The following SLC35F1 variants were observed in gnomAD, a reference collection of about 807,000 sequenced individuals.
SLC35F1 encodes chromosome 6 open reading frame 169.
A neutral mutation model predicts 48.7 loss-of-function variants in SLC35F1; 14 were observed. The observed-to-expected ratio is 0.29, with a 90% CI of 0.19 to 0.45. The LOEUF (loss-of-function observed/expected upper bound fraction) is 0.45, where lower values mean the gene tolerates loss of function less well. Among genes scored for constraint, SLC35F1 ranks in the 20% least tolerant of loss-of-function variants. SLC35F1 has a pLI of 1.00. For missense variants in SLC35F1, 404 were observed against 500.0 expected (o/e 0.81, Z 1.83); for synonymous variants, 190 against 202.2 (o/e 0.94, Z 0.51).
At position 118,188,738 on chromosome 6, in the gene SLC35F1, C is replaced by T. The variant is rs539787283; in HGVS notation, c.349+34118C>T. 1.1e-3 allele frequency among the ~76,000 whole-genome samples: 166 copies of T among 152,144 alleles called. 1 individual carries two copies. The highest frequency in any genetic ancestry group is 2.1e-3 in the Non-Finnish European group (144 of 68,028). ...CCTTTCATTCATTAACAGACACTTA[C>T]GTTGTTTCCATATCTTGGCTATTGT... On this transcript the variant is annotated intron_variant, in intron 2 of 7. Coordinates refer to ENST00000360388, the MANE Select transcript of SLC35F1 (RefSeq NM_001029858.4).
intron 3 of SLC35F1, among the ~76,000 whole-genome samples, chr6:118,251,600 T>A (rs1775576379): frequency 6.6e-6 from 1 of 152,144 alleles, no homozygotes; most frequent in Admixed American, 6.5e-5. Flanking sequence ...AGGAATAGCA[T>A]GATGAGATTT....
intron 1 of SLC35F1, among the ~76,000 whole-genome samples, chr6:118,062,991 A>T (rs187147958): frequency 6.6e-6 from 1 of 152,136 alleles, no homozygotes; most frequent in Admixed American, 6.5e-5. Context: ...GGGGTATGTT[A>T]TATCAGATAA....
At chr6:118,151,165 C>T (rs1158879595) in intron 1 of SLC35F1, among the ~76,000 whole-genome samples, 1 of 152,140 alleles carries the variant, frequency 6.6e-6, no homozygotes, top group African/African-American at 2.4e-5. Context: ...TAACCACTTC[C>T]GACTCCAGTG....
intron 1 of SLC35F1, among the ~76,000 whole-genome samples, chr6:118,088,628 T>G (rs974814416): frequency 6.6e-6 from 1 of 152,136 alleles, no homozygotes; most frequent in African/African-American, 2.4e-5. Flanking sequence ...ATAGGACGTC[T>G]TAAAACAGAG....
At chr6:118,194,035 CAATT>C (rs1774768603) in intron 2 of SLC35F1, among the ~76,000 whole-genome samples, 1 of 150,726 alleles carries the variant, frequency 6.6e-6, no homozygotes, top group Non-Finnish European at 1.5e-5. Context: ...ATTTTTAAGC[CAATT>C]AATTAGAGCT....
At chr6:118,049,956 G>A (rs1772361832) in intron 1 of SLC35F1, among the ~76,000 whole-genome samples, 1 of 152,080 alleles carries the variant, frequency 6.6e-6, no homozygotes, top group African/African-American at 2.4e-5. Flanking sequence ...CAAAGACTTG[G>A]AACCAACCCA....
At chr6:117,944,929 G>C (rs568278706) in intron 1 of SLC35F1, among the ~76,000 whole-genome samples, 2 of 152,244 alleles carry the variant, frequency 1.3e-5, no homozygotes, top group East Asian at 1.9e-4. Flanking sequence ...GCAGGCTTAG[G>C]GGGCAGAGGG....
At chr6:118,108,165 CAA>C (rs1773350930) in intron 1 of SLC35F1, among the ~76,000 whole-genome samples, 1 of 152,168 alleles carries the variant, frequency 6.6e-6, no homozygotes, top group Non-Finnish European at 1.5e-5. Context: ...CACACACACA[CAA>C]ACTGTGTTTC....
chr6:118,077,712 C>A (rs1157476556), intron 1 of SLC35F1, among the ~76,000 whole-genome samples: 1 of 152,138 alleles, frequency 6.6e-6, no homozygotes, highest in Non-Finnish European at 1.5e-5. Flanking sequence ...GAAGGCAGTG[C>A]AGAGCATACA....
At chr6:118,107,115 C>T (rs1773337116) in intron 1 of SLC35F1, among the ~76,000 whole-genome samples, 1 of 152,088 alleles carries the variant, frequency 6.6e-6, no homozygotes, top group Non-Finnish European at 1.5e-5. Flanking sequence ...TTGTTTGTTG[C>T]CATCTCTGGT....
chr6:117,960,177 T>C (rs1776479047), intron 1 of SLC35F1, among the ~76,000 whole-genome samples: 1 of 151,882 alleles, frequency 6.6e-6, no homozygotes, highest in South Asian at 2.1e-4. Context: ...GGTTGACAAA[T>C]ATTACAAACT....
intron 1 of SLC35F1, among the ~76,000 whole-genome samples, chr6:117,982,862 A>G (rs1429285069): frequency 6.6e-6 from 1 of 152,182 alleles, no homozygotes; most frequent in African/African-American, 2.4e-5. Context: ...TTTTCTGTAC[A>G]TAATTACTTC....
rs1776414662 is a variant in SLC35F1 at position 118,314,965 on chromosome 6, A to T, written c.*713A>T. The T allele has an allele frequency of 6.5e-6, 1 of 152,794 alleles. No individual in the cohort carries two copies. 9.5% of individuals were successfully genotyped at this position (152,794 alleles called of 1,614,324 possible). A position where few individuals can be genotyped will look rare whatever the true frequency, so the allele number is the denominator to read the frequency against. ...CATTGCCTTTCTGTTGTGCCACGTG[A>T]TTCTGCTAATCAAGTCCCTGTAATA... is the stretch of plus-strand genomic sequence containing the variant. On this transcript the variant is annotated 3_prime_UTR_variant, in exon 8 of 8. Coordinates refer to ENST00000360388, the MANE Select transcript of SLC35F1 (RefSeq NM_001029858.4).
intron 1 of SLC35F1, among the ~76,000 whole-genome samples, chr6:118,046,953 T>G (rs1772310136): frequency 4.5e-5 from 1 of 22,028 alleles, no homozygotes; most frequent in Non-Finnish European, 8.8e-5. Flanking sequence ...CTGATAGATT[T>G]TTGAGATATA....
chr6:117,980,319 T>C (rs947375423), intron 1 of SLC35F1, among the ~76,000 whole-genome samples: 3 of 152,132 alleles, frequency 2.0e-5, no homozygotes, highest in Non-Finnish European at 2.9e-5. Context: ...TGGCAGGAGG[T>C]ACAAGCACCC....
In SLC35F1 at chr6:117,923,602, T is replaced by TATGTACATATATACATATGTAC. The variant is rs1775935297; in HGVS notation, c.173+15705_173+15706insGTACATATATACATATGTACAT. Among the ~76,000 whole-genome samples, 12 of 31,506 alleles carry TATGTACATATATACATATGTAC rather than the reference T, an allele frequency of 3.8e-4. 2 individuals are homozygous for TATGTACATATATACATATGTAC. Among genetic ancestry groups the TATGTACATATATACATATGTAC allele is most frequent in the African/African-American group, 1.7e-3 (6 of 3,598 alleles). 20.7% of individuals were successfully genotyped at this position (31,506 alleles called of 152,430 possible). A position where few individuals can be genotyped will look rare whatever the true frequency, so the allele number is the denominator to read the frequency against. The stretch of plus-strand genomic sequence containing the variant: ...GTGTGTGTATATATACATATGTGTA[T>TATGTACATATATACATATGTAC]ATATACATATACATATGTATATATA... On this transcript the variant is annotated intron_variant, in intron 1 of 7. Transcript: ENST00000360388.
chr6:118,229,709 G>T (rs977168427), intron 2 of SLC35F1, among the ~76,000 whole-genome samples: 1 of 152,184 alleles, frequency 6.6e-6, no homozygotes, highest in Non-Finnish European at 1.5e-5. Flanking sequence ...GTTAGTAGTA[G>T]CATCTAATAT....
intron 1 of SLC35F1, among the ~76,000 whole-genome samples, chr6:118,130,984 A>G (rs547820382): frequency 5.9e-5 from 9 of 152,284 alleles, no homozygotes; most frequent in South Asian, 2.1e-4. Context: ...ATCTTCATAA[A>G]ATATCTGACA....
At chr6:118,028,062 G>T (rs899705331) in intron 1 of SLC35F1, among the ~76,000 whole-genome samples, 2 of 152,028 alleles carry the variant, frequency 1.3e-5, no homozygotes, top group African/African-American at 4.8e-5. Context: ...AAAGTTATGG[G>T]TTTATTTTAA....
Sources: allele counts gnomAD v4.1 joint callset (sites outside exome capture counted in the v4.1 genomes callset), GRCh38; gene constraint gnomAD v4.1.1; transcripts MANE v1.5; gene names NCBI Gene and HGNC (gene_info 2026-07-23, HGNC 2026-07-21).